The following ABCA13 variants were observed in gnomAD, a reference collection of about 807,000 sequenced individuals.
ABCA13 encodes the protein ATP-binding cassette sub-family A member 13.
ABCA13 carries 476 observed loss-of-function variants against 478.7 expected under a neutral mutation model. The observed-to-expected ratio is 0.99, with a 90% CI of 0.92 to 1.07. ABCA13 has a LOEUF of 1.07. Among genes scored for constraint, ABCA13 ranks in the 50% least tolerant of loss-of-function variants. The probability of loss-of-function intolerance (pLI) is 0.00; values close to 1 mark genes in which losing one functional copy is unlikely to be tolerated. For missense variants in ABCA13, 6,060 were observed against 5,910.6 expected (o/e 1.03, Z -0.83); for synonymous variants, 2,252 against 2,158.9 (o/e 1.04, Z -1.20).
At chr7:48,357,766 T>G (rs1810159481) in intron 31 of ABCA13, among the ~76,000 whole-genome samples, 1 of 151,958 alleles carries the variant, frequency 6.6e-6, no homozygotes, top group Non-Finnish European at 1.5e-5. Context: ...AATAAACTAT[T>G]AATTGCCACT....
At position 48,422,483 on chromosome 7, in the gene ABCA13, C is replaced by T. The variant is rs184211249; in HGVS notation, c.12460-5283C>T. Among the ~76,000 whole-genome samples, 205 of 152,244 alleles carry T rather than the reference C, an allele frequency of 1.3e-3. 3 individuals carry two copies. Among genetic ancestry groups the T allele is most frequent in the Admixed American group, 0.011 (165 of 15,284 alleles). On this transcript the variant is annotated intron_variant, in intron 41 of 61. Transcript: ENST00000435803. ...TATGTCTTTTAATCTTCCCCTTGTA[C>T]GAATAAGCAAACTGAGAGACCAAGA...
intron 29 of ABCA13, among the ~76,000 whole-genome samples, chr7:48,338,994 C>T (rs1261760831): frequency 6.6e-6 from 1 of 152,150 alleles, no homozygotes; most frequent in African/African-American, 2.4e-5. Context: ...CCATGCAGTG[C>T]AGAGAAGAAG....
intron 56 of ABCA13, among the ~76,000 whole-genome samples, chr7:48,582,674 G>A (rs1465224255): frequency 1.3e-5 from 2 of 152,118 alleles, no homozygotes; most frequent in Non-Finnish European, 2.9e-5. Context: ...CAGAGCCCAT[G>A]CCATGGCTGA....
At chr7:48,622,534 A>T (rs533959532) in intron 59 of ABCA13, among the ~76,000 whole-genome samples, 1 of 152,228 alleles carries the variant, frequency 6.6e-6, no homozygotes, top group East Asian at 1.9e-4. Context: ...TAGTGATGTT[A>T]TGTCCCCTTG....
intron 1 of ABCA13, among the ~76,000 whole-genome samples, chr7:48,174,910 A>G (rs1049890950): frequency 6.6e-6 from 1 of 152,242 alleles, no homozygotes; most frequent in African/African-American, 2.4e-5. Flanking sequence ...TTGAGGATTA[A>G]GGTTCTTTCC....
At chr7:48,496,089 T>C (rs1363508324) in intron 48 of ABCA13, among the ~76,000 whole-genome samples, 2 of 152,136 alleles carry the variant, frequency 1.3e-5, no homozygotes, top group African/African-American at 2.4e-5. Flanking sequence ...TTGGGAACCA[T>C]TGCATTTAAG....
chr7:48,554,049 A>G (rs571156610), intron 55 of ABCA13, among the ~76,000 whole-genome samples: 1 of 152,162 alleles, frequency 6.6e-6, no homozygotes, highest in South Asian at 2.1e-4. Flanking sequence ...GCATATGGAT[A>G]TCCAGTTTTC....
At position 48,279,723 on chromosome 7, in the gene ABCA13, T is replaced by C; in HGVS notation, c.8529T>C (p.Thr2843=). The change falls in exon 18 of 62, where the codon ACT becomes ACC. Residue 2843 remains threonine, a synonymous_variant. Transcript: ENST00000435803. The stretch of plus-strand genomic sequence containing the variant: ...CTGAATGGATAACTTCCACAAGAAC[T>C]TTGTTTCAGCCACTTTTTGAGATTT... The part of the protein sequence containing the change: ...NNSEWITSTR[T]LFQPLFEIFI... 6.2e-7 allele frequency: 1 copy of C among 1,613,554 alleles called. No homozygotes were observed. Among genetic ancestry groups the C allele is most frequent in the Non-Finnish European group, 8.5e-7 (1 of 1,179,750 alleles).
intron 40 of ABCA13, among the ~76,000 whole-genome samples, chr7:48,410,965 A>G (rs1184452281): frequency 1.3e-5 from 2 of 150,724 alleles, no homozygotes; most frequent in Admixed American, 1.3e-4. Flanking sequence ...TATGTATTCT[A>G]GAAATTCTTT....
intron 23 of ABCA13, among the ~76,000 whole-genome samples, chr7:48,304,348 T>C (rs989574435): frequency 6.6e-6 from 1 of 152,214 alleles, no homozygotes; most frequent in Non-Finnish European, 1.5e-5. Context: ...ACTGAAGAAC[T>C]ACAGCCAGGC....
intron 17 of ABCA13, 149 bp from the exon 18 acceptor site, chr7:48,277,944 AT>A (rs962233978): frequency 4.2e-6 from 1 of 240,768 alleles, no homozygotes; most frequent in African/African-American, 2.3e-5. Flanking sequence ...ATCTGAAATT[AT>A]TTTAGCATGT....
chr7:48,424,460 CA>C (rs1821151053), intron 41 of ABCA13, among the ~76,000 whole-genome samples: 1 of 152,148 alleles, frequency 6.6e-6, no homozygotes, highest in Non-Finnish European at 1.5e-5. Flanking sequence ...TTAAGCAAAA[CA>C]ACTTTTTTTC....
chr7:48,295,622 T>A, intron 20 of ABCA13, 78 bp from the exon 21 acceptor site: 1 of 1,553,022 alleles, frequency 6.4e-7, no homozygotes, highest in East Asian at 2.2e-5. Flanking sequence ...CTGTGTTTCC[T>A]GAGACTAATG....
At chr7:48,239,452 A>C in intron 9 of ABCA13, 47 bp downstream of exon 9, 1 of 1,535,322 alleles carries the variant, frequency 6.5e-7, no homozygotes, top group Non-Finnish European at 8.8e-7. Context: ...TGCCAGTTTG[A>C]GTGTCCAAAT....
At chr7:48,250,800 T>C (rs755271311) in intron 15 of ABCA13, among the ~76,000 whole-genome samples, 4 of 152,198 alleles carry the variant, frequency 2.6e-5, no homozygotes, top group Admixed American at 6.5e-5. Context: ...GAGCTGGTTG[T>C]CTATTTCCAT....
chr7:48,516,622 A>T, intron 51 of ABCA13, 103 bp from the exon 52 acceptor site: 2 of 1,162,422 alleles, frequency 1.7e-6, no homozygotes, highest in South Asian at 2.9e-5. Context: ...TAATATCTGC[A>T]TTTTCAGGGA....
chr7:48,516,867 A>T lies in ABCA13; in HGVS notation c.13783A>T (p.Ile4595Phe), dbSNP rs1832158407. 1.9e-6 allele frequency: 3 copies of T among 1,613,616 alleles called. No individual in the cohort carries two copies. The highest frequency in any genetic ancestry group is 2.5e-6 in the Non-Finnish European group (3 of 1,179,654). Residue 4595 changes from isoleucine (I) to phenylalanine (F), a missense_variant, in exon 52 of 62, where the codon ATC (isoleucine) becomes TTC (phenylalanine). Transcript: ENST00000435803. ...CATTATGCCCCGGTTGCTAGCCATCATCTCCAAAGCTAAGGTCAGTAGCTT... is the reference window on the plus strand; with the variant it reads ...CATTATGCCCCGGTTGCTAGCCATCTTCTCCAAAGCTAAGGTCAGTAGCTT... ...ITIMPRLLAI[I>F]SKAKNLQNIY...
At chr7:48,532,000 T>A (rs1207336305) in intron 55 of ABCA13, among the ~76,000 whole-genome samples, 1 of 152,096 alleles carries the variant, frequency 6.6e-6, no homozygotes, top group Non-Finnish European at 1.5e-5. Context: ...TTTTTTCTCC[T>A]GTGTGATTGC....
In ABCA13 at chr7:48,511,194, T is replaced by C. The variant is rs757583294; in HGVS notation, c.13635T>C (p.Leu4545=). ...NLAATALLLS[L]FGYATLPWMY... ...CAGCCACGGCCCTCCTGCTGTCACT[T>C]TTCGGGTATGTGATGAGAAACGCTG... Residue 4545 remains leucine, a synonymous_variant, in exon 51 of 62, where the codon CTT becomes CTC. Transcript: ENST00000435803. 1.2e-6 allele frequency: 2 copies of C among 1,610,418 alleles called. No homozygotes were observed. The highest frequency in any genetic ancestry group is 2.2e-5 in the South Asian group (2 of 90,302).
Sources: allele counts gnomAD v4.1 joint callset (sites outside exome capture counted in the v4.1 genomes callset), GRCh38; gene constraint gnomAD v4.1.1; transcripts MANE v1.5; gene names NCBI Gene and HGNC (gene_info 2026-07-23, HGNC 2026-07-21).